EXPH5: variants seen among roughly 807,000 people sequenced by gnomAD.
EXPH5 encodes exophilin-5.
EXPH5 carries 42 observed loss-of-function variants against 41.1 expected under a neutral mutation model. The observed-to-expected ratio is 1.02, with a 90% confidence interval of 0.80 to 1.32. EXPH5 has a LOEUF of 1.32. EXPH5 is among the 40% of genes most tolerant of loss of function. EXPH5 has a pLI of 0.00. For synonymous variants in EXPH5, 798 were observed against 833.5 expected, an observed-to-expected ratio of 0.96 and a Z score of 0.73; for missense variants, 2,298 against 2,314.5, an observed-to-expected ratio of 0.99 and a Z score of 0.15.
rs2093689746 is a variant in EXPH5, at chr11:108,512,520, G to A, written c.2987C>T (p.Thr996Ile). The change falls in exon 6 of 6, where the codon ACC becomes ATC. Residue 996 changes from threonine to isoleucine, a missense_variant. Physicochemically the swap from Thr to Ile is moderately conservative, Grantham distance 89. Coordinates refer to ENST00000265843, the MANE Select transcript of EXPH5 (RefSeq NM_015065.3). ...TTCAATGAGGCTCCTGTGATCACTG[G>A]TGGGTACTGATATACTTTCTGTTTT... Reference protein sequence around the residue: ...LSKTESISVPTSDHRSLIEAN... With the variant: ...LSKTESISVPISDHRSLIEAN... 6.2e-7 allele frequency: 1 copy of A among 1,613,832 alleles called. No individual in the cohort carries two copies. The highest frequency in any genetic ancestry group is 8.5e-7 in the Non-Finnish European group (1 of 1,179,916).
chr11:108,587,134 TTAC>T (rs1243060897), intron 1 of EXPH5, among the ~76,000 whole-genome samples: 2 of 150,752 alleles, frequency 1.3e-5, no homozygotes, highest in Non-Finnish European at 3.0e-5. Flanking sequence ...TCTTTTATTA[TTAC>T]GATACTTTAA....
intron 2 of EXPH5, among the ~76,000 whole-genome samples, chr11:108,540,275 A>G (rs2093905639): frequency 6.6e-6 from 1 of 152,254 alleles, no homozygotes; most frequent in Non-Finnish European, 1.5e-5. Context: ...ATGACCTGAG[A>G]TCATGCCACT....
intron 1 of EXPH5, among the ~76,000 whole-genome samples, chr11:108,549,945 G>C (rs1428061653): frequency 1.3e-5 from 2 of 152,212 alleles, no homozygotes; most frequent in African/African-American, 2.4e-5. Flanking sequence ...TGTAAGGAAA[G>C]TGGATGAACA....
At chr11:108,577,642 C>T (rs56374828) in intron 1 of EXPH5, among the ~76,000 whole-genome samples, 5,916 of 152,106 alleles carry the variant, frequency 0.039, 123 homozygotes, top group Middle Eastern at 0.048. Context: ...AGGCTGATCT[C>T]GAACTCCTGA....
intron 1 of EXPH5, among the ~76,000 whole-genome samples, chr11:108,544,650 A>G (rs751363590): frequency 6.6e-6 from 1 of 152,206 alleles, no homozygotes; most frequent in Non-Finnish European, 1.5e-5. Flanking sequence ...TTTATCTTAC[A>G]GCAATAACCC....
At chr11:108,524,476 G>A (rs1329867429) in intron 4 of EXPH5, among the ~76,000 whole-genome samples, 1 of 152,188 alleles carries the variant, frequency 6.6e-6, no homozygotes, top group Non-Finnish European at 1.5e-5. Context: ...TATCCCACAG[G>A]ATGAGAGGCC....
the EXPH5 span, among the ~76,000 whole-genome samples, chr11:108,599,290 A>G: frequency 6.6e-6 from 1 of 152,168 alleles, no homozygotes; most frequent in South Asian, 2.1e-4. Context: ...AAAAAAAAAG[A>G]TATTTGTAAT....
At chr11:108,606,643 C>T in the EXPH5 span, among the ~76,000 whole-genome samples, 2 of 152,160 alleles carry the variant, frequency 1.3e-5, no homozygotes, top group African/African-American at 4.8e-5. Flanking sequence ...GCTCAAGGCT[C>T]ACTTTGTGCA....
At chr11:108,518,441 C>T in intron 4 of EXPH5, 68 bp from the exon 5 acceptor site, 1 of 1,436,872 alleles carries the variant, frequency 7.0e-7, no homozygotes, top group Non-Finnish European at 9.6e-7. Context: ...CACACGCTCC[C>T]ACCAAACTGT....
rs541550150 is a variant in EXPH5 at position 108,519,749 on chromosome 11, GA to G, written c.493-1377del. ...GGCGACAGAGTGAGACTCTGTCTTGGAAAAAAAGAAAAAAAGAAAAAAAAAC... is the reference window on the plus strand; with the variant it reads ...GGCGACAGAGTGAGACTCTGTCTTGGAAAAAAGAAAAAAAGAAAAAAAAAC... On this transcript the variant is annotated intron_variant, in intron 4 of 5. Transcript: ENST00000265843. 7.0e-3 allele frequency among the ~76,000 whole-genome samples: 1,008 copies of G among 144,522 alleles called. 9 individuals carry two copies. The highest frequency in any genetic ancestry group is 0.024 in the African/African-American group (930 of 38,128). 94.8% of individuals were successfully genotyped at this position (144,522 alleles called of 152,430 possible). A position where few individuals can be genotyped will look rare whatever the true frequency, so the allele number is the denominator to read the frequency against.
At chr11:108,588,471 T>A in intron 1 of EXPH5, among the ~76,000 whole-genome samples, 1 of 152,184 alleles carries the variant, frequency 6.6e-6, no homozygotes, top group African/African-American at 2.4e-5. Flanking sequence ...AGCACAGTGA[T>A]TATGTACAGA....
chr11:108,513,242 C>A lies in EXPH5; in HGVS notation c.2265G>T (p.Gly755=). Residue 755 remains glycine (G), a synonymous_variant, in exon 6 of 6, where the codon GGG becomes GGT. Coordinates refer to ENST00000265843, the MANE Select transcript of EXPH5 (RefSeq NM_015065.3). ...TTATGGTAGATGCATTAAAACCAAA[C>A]CCGTTGCTCTTGGCTGAGTCCTGGG... ...PLSQDSAKSN[G]FGFNASTIIS... The A allele has an allele frequency of 1.9e-6, 3 of 1,612,706 alleles. No homozygotes were observed. The highest frequency in any genetic ancestry group is 1.7e-5 in the Admixed American group (1 of 59,740).
In EXPH5 at chr11:108,554,355, G is replaced by A. The variant is rs1307556482; in HGVS notation, c.120-12543C>T. ...CAGATGTGAGCCACCATGCCCAGCC[G>A]CCCTGAACTTTATTAACTGGGTGTG... On this transcript the variant is annotated intron_variant, in intron 1 of 5. Transcript: ENST00000265843. Among the ~76,000 whole-genome samples the A allele has an allele frequency of 7.2e-5, 11 of 152,204 alleles. No homozygotes were observed. In the East Asian group the frequency reaches 1.4e-3, roughly 19 times the overall value.
chr11:108,596,532 CA>C (rs1197970393), upstream of EXPH5, among the ~76,000 whole-genome samples: 6 of 152,094 alleles, frequency 3.9e-5, no homozygotes, highest in Non-Finnish European at 7.4e-5. Flanking sequence ...TTGGCACAAG[CA>C]GTTTGAGGTA....
In EXPH5 at chr11:108,511,325, C is replaced by T. The variant is rs373291968; in HGVS notation, c.4182G>A (p.Leu1394=). The change falls in exon 6 of 6, where the codon CTG becomes CTA. Residue 1394 remains leucine, a synonymous_variant. Transcript: ENST00000265843. ...ERGKKLQSET[L]HTSLMLQRKN... is the part of the protein sequence containing the mutation. ...TTCTCTGAAGCATCAATGAAGTATG[C>T]AGGGTTTCACTTTGCAACTTTTTGC... 9 of 1,585,264 alleles carry T rather than the reference C, an allele frequency of 5.7e-6. No individual in the cohort carries two copies. The African/African-American group carries it at 1.2e-4, about 22-fold the overall frequency.
chr11:108,521,385 C>T (rs1789765183), intron 4 of EXPH5, among the ~76,000 whole-genome samples: 1 of 152,026 alleles, frequency 6.6e-6, no homozygotes, highest in African/African-American at 2.4e-5. Context: ...AGAAACCTGC[C>T]CAAATTTCAT....
intron 4 of EXPH5, among the ~76,000 whole-genome samples, chr11:108,520,554 T>TTTA (rs2093758643): frequency 6.6e-6 from 1 of 151,578 alleles, no homozygotes; most frequent in Non-Finnish European, 1.5e-5. Context: ...TTTATTATTG[T>TTTA]TTTATTTATT....
chr11:108,509,394 A>G lies in EXPH5; in HGVS notation c.*143T>C, dbSNP rs917403797. On this transcript the variant is annotated 3_prime_UTR_variant, in exon 6 of 6. Coordinates refer to ENST00000265843, the MANE Select transcript of EXPH5 (RefSeq NM_015065.3). ...CAGGAAGTGTCTATATAGGGTGTGG[A>G]GGAAAAAAAAGGAGATGTGGGACAT... is the stretch of plus-strand genomic sequence containing the variant. 1.0e-5 allele frequency: 7 copies of G among 678,590 alleles called. No homozygotes were observed. The highest frequency in any genetic ancestry group is 1.7e-5 in the Non-Finnish European group (7 of 419,948). 42.0% of individuals were successfully genotyped at this position (678,590 alleles called of 1,614,324 possible). A position where few individuals can be genotyped will look rare whatever the true frequency, so the allele number is the denominator to read the frequency against.
intron 3 of EXPH5, among the ~76,000 whole-genome samples, chr11:108,534,089 A>T (rs2093862574): frequency 1.3e-5 from 2 of 152,122 alleles, no homozygotes; most frequent in African/African-American, 2.4e-5. Context: ...ACCACATCTG[A>T]CCCAAAAATG....
Sources: gnomAD v4.1 joint callset for allele counts (sites outside exome capture counted in the v4.1 genomes callset) on GRCh38, gnomAD v4.1.1 for gene constraint, MANE v1.5 for transcripts, NCBI Gene and HGNC (gene_info 2026-07-23, HGNC 2026-07-21) for gene names.